The following HACE1 variants were observed in gnomAD, a reference collection of about 807,000 sequenced individuals.
HACE1 encodes E3 ubiquitin-protein ligase HACE1.
In HACE1, 73 loss-of-function variants were observed where a neutral mutation model predicts 118.4. That is an observed-to-expected ratio of 0.62 (90% CI 0.51 to 0.75). The LOEUF (loss-of-function observed/expected upper bound fraction) is 0.75. Among genes scored for constraint, HACE1 ranks in the 30% least tolerant of loss-of-function variants. HACE1 has a pLI of 0.00. For missense variants in HACE1, 749 were observed against 1,102.2 expected (o/e 0.68, Z 4.54); for synonymous variants, 368 against 374.8 (o/e 0.98, Z 0.21).
intron 22 of HACE1, among the ~76,000 whole-genome samples, chr6:104,735,743 T>C (rs1775759695): frequency 6.6e-6 from 1 of 152,158 alleles, no homozygotes; most frequent in Admixed American, 6.6e-5. Flanking sequence ...TATATCAAGA[T>C]TATAAAAATT....
chr6:104,822,457 G>A (rs9766448), intron 6 of HACE1, among the ~76,000 whole-genome samples: 10 of 152,064 alleles, frequency 6.6e-5, no homozygotes, highest in African/African-American at 2.4e-4. Context: ...GGAGGCTGAG[G>A]CAGAAGAATC....
chr6:104,767,079 TC>T (rs1206063112), intron 19 of HACE1, among the ~76,000 whole-genome samples: 4 of 152,222 alleles, frequency 2.6e-5, no homozygotes, highest in Admixed American at 6.5e-5. Context: ...TAAGGCTGTT[TC>T]CACACTAAAT....
At chr6:104,796,552 A>G in intron 9 of HACE1, 103 bp downstream of exon 9, 1 of 714,920 alleles carries the variant, frequency 1.4e-6, no homozygotes, top group South Asian at 1.5e-5. Context: ...GATATTTGTG[A>G]CAATAAGCAA....
intron 4 of HACE1, among the ~76,000 whole-genome samples, chr6:104,844,600 C>T (rs555442274): frequency 6.6e-6 from 1 of 151,910 alleles, no homozygotes; most frequent in African/African-American, 2.4e-5. Context: ...CCCCACCCCC[C>T]CAAGCCTCCC....
chr6:104,733,755 G>C (rs1029478541), intron 22 of HACE1, among the ~76,000 whole-genome samples: 41 of 151,182 alleles, frequency 2.7e-4, no homozygotes, highest in Non-Finnish European at 3.1e-4. Context: ...AAGGAGAATC[G>C]CTTGAACCCA....
At chr6:104,755,756 G>GA (rs1562297114) in intron 19 of HACE1, among the ~76,000 whole-genome samples, 2 of 152,150 alleles carry the variant, frequency 1.3e-5, no homozygotes, top group African/African-American at 4.8e-5. Flanking sequence ...CAATGTACCA[G>GA]AATCTCTGGG....
chr6:104,854,042 C>T (rs1776490246), intron 1 of HACE1, among the ~76,000 whole-genome samples: 1 of 152,150 alleles, frequency 6.6e-6, no homozygotes, highest in Non-Finnish European at 1.5e-5. Flanking sequence ...TGCTGTGCCT[C>T]CCGCAACTGA....
intron 1 of HACE1, among the ~76,000 whole-genome samples, chr6:104,857,956 CAAAAAAAAAA>C (rs34623570): frequency 9.8e-6 from 1 of 101,756 alleles, no homozygotes; most frequent in African/African-American, 3.8e-5. Flanking sequence ...GACTCCGTCT[CAAAAAAAAAA>C]AAAAAAAAGG....
At chr6:104,852,450 C>A in intron 1 of HACE1, 79 bp from the exon 2 acceptor site, 2 of 877,024 alleles carry the variant, frequency 2.3e-6, no homozygotes, top group South Asian at 2.8e-5. Context: ...TTAGAATTTT[C>A]CTAACTCTAT....
In HACE1 at chr6:104,771,541, GA is replaced by G. The variant is rs1192088994; in HGVS notation, c.2015-153del. On this transcript the variant is annotated intron_variant, in intron 18 of 23. Transcript: ENST00000262903. ...ATATTTTAAATGGATTCCTGAATTT[GA>G]AAGTCTGTTAAATTAATTCTGTGTT... is the stretch of plus-strand genomic sequence containing the variant. The G allele has an allele frequency of 9.7e-6, 6 of 619,344 alleles. No individual in the cohort carries two copies. In the South Asian group the frequency reaches 9.8e-5, roughly 10 times the overall value. The allele number at this position is 619,344 out of a possible 1,614,324, so 38.4% of individuals were successfully genotyped here.
At chr6:104,760,609 G>A (rs994335215) in intron 19 of HACE1, among the ~76,000 whole-genome samples, 18 of 151,820 alleles carry the variant, frequency 1.2e-4, no homozygotes, top group South Asian at 2.1e-4. Context: ...GGAAAAAAAC[G>A]GGAAGCATTC....
At chr6:104,849,504 A>ATTTTTT (rs11380259) in intron 3 of HACE1, among the ~76,000 whole-genome samples, 3 of 137,282 alleles carry the variant, frequency 2.2e-5, no homozygotes, top group Non-Finnish European at 3.1e-5. Flanking sequence ...CAATTGGGTA[A>ATTTTTT]TTTTTTTTTT....
At position 104,811,381 on chromosome 6, in the gene HACE1, AGCACT is replaced by A. The variant is rs1771607795; in HGVS notation, c.542_546del (p.Gln181LeufsTer7). On this transcript the variant is annotated frameshift_variant, in exon 7 of 24. Coordinates refer to ENST00000262903, the MANE Select transcript of HACE1 (RefSeq NM_020771.4). LOFTEE classifies it high-confidence loss of function. ...TTAATATCAGCACCACTGTCTAGCAAGCACTGCACTGTCTGAGGGGGAAAAAATAA... is the reference window on the plus strand; with the variant it reads ...TTAATATCAGCACCACTGTCTAGCAAGCACTGTCTGAGGGGGAAAAAATAA... 6.7e-7 allele frequency: 1 copy of A among 1,492,800 alleles called. No individual in the cohort carries two copies. The highest frequency in any genetic ancestry group is 9.3e-7 in the Non-Finnish European group (1 of 1,071,248). 92.5% of individuals were successfully genotyped at this position (1,492,800 alleles called of 1,614,324 possible).
At chr6:104,797,482 T>C (rs1158193002) in intron 7 of HACE1, among the ~76,000 whole-genome samples, 19 of 143,264 alleles carry the variant, frequency 1.3e-4, no homozygotes, top group Admixed American at 1.3e-3. Context: ...ACACTTGTAA[T>C]ACTTTGTAAA....
chr6:104,783,709 C>T (rs994942194), intron 14 of HACE1, among the ~76,000 whole-genome samples: 1 of 152,204 alleles, frequency 6.6e-6, no homozygotes, highest in African/African-American at 2.4e-5. Flanking sequence ...TACTGAAGGG[C>T]TTCTCAAAGC....
Position 104,776,994 on chromosome 6 carries a change from C to G in HACE1, c.1776+19G>C, listed in dbSNP as rs1373891701. The G allele has an allele frequency of 6.7e-6, 10 of 1,501,798 alleles. No individual in the cohort carries two copies. The highest frequency in any genetic ancestry group is 9.3e-6 in the Non-Finnish European group (10 of 1,078,606). The allele number at this position is 1,501,798 out of a possible 1,614,324, so 93.0% of individuals were successfully genotyped here. A position where few individuals can be genotyped will look rare whatever the true frequency, so the allele number is the denominator to read the frequency against. On this transcript the variant is annotated intron_variant, in intron 16 of 23. Transcript: ENST00000262903. Reference sequence around the variant, plus strand: ...TCTTTACATACAGTGATTTCTACATCATCTTCTTTTATACCCACCATGCCT... The same window carrying G: ...TCTTTACATACAGTGATTTCTACATGATCTTCTTTTATACCCACCATGCCT...
intron 6 of HACE1, among the ~76,000 whole-genome samples, chr6:104,826,174 G>A (rs1005201244): frequency 6.6e-6 from 1 of 152,098 alleles, no homozygotes. Flanking sequence ...CCATCCCCTC[G>A]ATTTCTGACT....
intron 17 of HACE1, among the ~76,000 whole-genome samples, chr6:104,772,731 A>G (rs766186516): frequency 1.3e-5 from 2 of 152,218 alleles, no homozygotes; most frequent in Non-Finnish European, 2.9e-5. Context: ...GGCAAGGGCA[A>G]TAAGTTACCA....
At chr6:104,760,712 G>C (rs1779257959) in intron 19 of HACE1, among the ~76,000 whole-genome samples, 1 of 152,206 alleles carries the variant, frequency 6.6e-6, no homozygotes, top group Non-Finnish European at 1.5e-5. Context: ...TCAGGCAAGA[G>C]AAAGCAATAA....
Sources: gnomAD v4.1 joint callset for allele counts (sites outside exome capture counted in the v4.1 genomes callset) on GRCh38, gnomAD v4.1.1 for gene constraint, MANE v1.5 for transcripts, NCBI Gene and HGNC (gene_info 2026-07-23, HGNC 2026-07-21) for gene names.